The following PCSK5 variants were observed in gnomAD, a reference collection of about 807,000 sequenced individuals.
PCSK5 encodes the protein proprotein convertase subtilisin/kexin type 5, also known as prohormone convertase 5.
A neutral mutation model predicts 233.2 loss-of-function variants in PCSK5; 129 were observed. The observed-to-expected ratio is 0.55, with a 90% CI of 0.48 to 0.64. The LOEUF (loss-of-function observed/expected upper bound fraction) is 0.64, where lower values mean the gene tolerates loss of function less well. Ranked by LOEUF, PCSK5 falls within the 30% of genes least tolerant of loss-of-function variation. The probability of loss-of-function intolerance (pLI) is 0.00; values close to 1 mark genes in which losing one functional copy is unlikely to be tolerated. For synonymous variants in PCSK5, 825 were observed against 879.2 expected (o/e 0.94, Z 1.09); for missense variants, 2,076 against 2,430.1 (o/e 0.85, Z 3.06).
chr9:76,136,045 G>C (rs1225309606), intron 10 of PCSK5, among the ~76,000 whole-genome samples: 2 of 151,848 alleles, frequency 1.3e-5, no homozygotes, highest in Admixed American at 1.3e-4. Context: ...TATTGCACGT[G>C]GCAATATTTA....
At chr9:76,071,173 C>T (rs1342288808) in intron 6 of PCSK5, among the ~76,000 whole-genome samples, 2 of 152,118 alleles carry the variant, frequency 1.3e-5, no homozygotes, top group East Asian at 3.8e-4. Context: ...TGAAATGTTA[C>T]ATCCACAGAG....
chr9:76,347,551 C>G (rs910548707), intron 35 of PCSK5, among the ~76,000 whole-genome samples: 4 of 152,036 alleles, frequency 2.6e-5, no homozygotes, highest in African/African-American at 9.7e-5. Context: ...TGGGTATTGC[C>G]TGGGATCTGG....
chr9:76,064,731 C>T (rs1043627795), intron 5 of PCSK5, among the ~76,000 whole-genome samples: 44 of 147,864 alleles, frequency 3.0e-4, no homozygotes, highest in Middle Eastern at 3.6e-3. Context: ...ACCTCCCAGA[C>T]GGGGTCTCGG....
chr9:76,358,824 G>A lies in PCSK5; in HGVS notation c.5566G>A (p.Asp1856Asn). The A allele has an allele frequency of 6.2e-7, 1 of 1,612,900 alleles. No individual in the cohort carries two copies. Among genetic ancestry groups the A allele is most frequent in the Non-Finnish European group, 8.5e-7 (1 of 1,179,874 alleles). ...TGATGACATCGTCTACATGGGCCAG[G>A]ATGGCACAGTCTACCGGAAATTTAA... The part of the protein sequence containing the change: ...DDDDIVYMGQ[D>N]GTVYRKFKYG... Residue 1856 changes from aspartate to asparagine, a missense_variant, in exon 38 of 38, where the codon GAT (aspartate) becomes AAT (asparagine). This residue lies in a region of PCSK5 where 1,510 missense variants were observed against 1,538.1 expected (regional missense o/e 0.98). Transcript: ENST00000674117.
At chr9:76,086,410 G>A (rs907948816) in intron 7 of PCSK5, among the ~76,000 whole-genome samples, 8 of 152,160 alleles carry the variant, frequency 5.3e-5, no homozygotes, top group African/African-American at 4.8e-5. Context: ...CTGTGCAGGG[G>A]CTCAAAGCAT....
intron 12 of PCSK5, among the ~76,000 whole-genome samples, chr9:76,166,303 G>A (rs1435544431): frequency 6.6e-6 from 1 of 152,200 alleles, no homozygotes; most frequent in Non-Finnish European, 1.5e-5. Flanking sequence ...AAACTGCTTA[G>A]CCACATAGAC....
intron 2 of PCSK5, among the ~76,000 whole-genome samples, chr9:75,958,052 C>T (rs539981287): frequency 3.3e-5 from 5 of 152,192 alleles, no homozygotes; most frequent in African/African-American, 4.8e-5. Context: ...TTGTTCCAGG[C>T]GGTTATTCAT....
Position 76,317,820 on chromosome 9 carries a change from C to G in PCSK5, c.3885-3602C>G, listed in dbSNP as rs531300096. 2.0e-5 allele frequency among the ~76,000 whole-genome samples: 3 copies of G among 152,244 alleles called. No homozygotes were observed. The South Asian group carries it at 6.2e-4, about 32-fold the overall frequency. On this transcript the variant is annotated intron_variant, in intron 30 of 37. Transcript: ENST00000674117. ...TGAGAAGAACGTCCCCTGGTAGTCCCGGTAGCCAGGGAAAATAGAGGAATG... is the reference window on the plus strand; with the variant it reads ...TGAGAAGAACGTCCCCTGGTAGTCCGGGTAGCCAGGGAAAATAGAGGAATG...
intron 1 of PCSK5, among the ~76,000 whole-genome samples, chr9:75,912,745 A>T (rs568649508): frequency 1.3e-5 from 2 of 152,334 alleles, no homozygotes; most frequent in East Asian, 3.9e-4. Context: ...CATAGCATAA[A>T]GAATGACTCT....
chr9:76,073,495 T>C (rs2131606232), intron 7 of PCSK5, among the ~76,000 whole-genome samples: 1 of 152,194 alleles, frequency 6.6e-6, no homozygotes, highest in East Asian at 1.9e-4. Context: ...AGCAAATGAA[T>C]ATATTCTATG....
intron 8 of PCSK5, among the ~76,000 whole-genome samples, chr9:76,100,296 TTAACA>T: frequency 6.6e-6 from 1 of 152,390 alleles, no homozygotes; most frequent in African/African-American, 2.4e-5. Flanking sequence ...AAAGAATTCA[TTAACA>T]TAATTGTTCA....
chr9:76,233,181 C>T (rs868342330), intron 21 of PCSK5, among the ~76,000 whole-genome samples: 10 of 152,300 alleles, frequency 6.6e-5, no homozygotes, highest in African/African-American at 2.2e-4. Context: ...ATCTGGATTT[C>T]GTCCCTGTAG....
At chr9:76,256,262 C>T (rs1826977838) in intron 24 of PCSK5, among the ~76,000 whole-genome samples, 1 of 152,240 alleles carries the variant, frequency 6.6e-6, no homozygotes, top group South Asian at 2.1e-4. Flanking sequence ...TGCTATTACG[C>T]TATTTCCCCC....
At chr9:76,186,938 A>G (rs1240669751) in intron 17 of PCSK5, among the ~76,000 whole-genome samples, 1 of 152,012 alleles carries the variant, frequency 6.6e-6, no homozygotes, top group Non-Finnish European at 1.5e-5. Flanking sequence ...GGCCCCTTGC[A>G]TTTTTCTAAG....
intron 1 of PCSK5, among the ~76,000 whole-genome samples, chr9:75,898,814 A>G (rs1373980080): frequency 6.6e-6 from 1 of 152,222 alleles, no homozygotes; most frequent in Non-Finnish European, 1.5e-5. Flanking sequence ...TGATTCTACC[A>G]GCACAAGTCT....
intron 2 of PCSK5, among the ~76,000 whole-genome samples, chr9:75,958,437 A>T (rs146600780): frequency 3.5e-4 from 54 of 152,312 alleles, no homozygotes; most frequent in African/African-American, 1.3e-3. Flanking sequence ...CAACCTGACT[A>T]TAAAAAACAG....
intron 1 of PCSK5, among the ~76,000 whole-genome samples, chr9:75,923,894 C>A (rs1375841284): frequency 1.3e-5 from 2 of 152,134 alleles, no homozygotes; most frequent in Non-Finnish European, 2.9e-5. Flanking sequence ...ATAGCATTTT[C>A]AAATCTTTCT....
chr9:75,959,515 T>G (rs1380975236), intron 2 of PCSK5, among the ~76,000 whole-genome samples: 6 of 152,222 alleles, frequency 3.9e-5, no homozygotes, highest in Non-Finnish European at 8.8e-5. Context: ...GAGGATGCTA[T>G]TGAGCCACTA....
chr9:76,043,271 G>T (rs1829207566), intron 5 of PCSK5, among the ~76,000 whole-genome samples: 1 of 144,764 alleles, frequency 6.9e-6, no homozygotes, highest in Non-Finnish European at 1.5e-5. Flanking sequence ...GGGAGGTGGA[G>T]CTTGCAGTGA....
Sources: allele counts gnomAD v4.1 joint callset (sites outside exome capture counted in the v4.1 genomes callset), GRCh38; gene constraint gnomAD v4.1.1; regional missense constraint gnomAD v4.1.1; transcripts MANE v1.5; gene names NCBI Gene and HGNC (gene_info 2026-07-23, HGNC 2026-07-21).